RAPGEF4: variants seen among roughly 807,000 people sequenced by gnomAD.
RAPGEF4 encodes Rap guanine nucleotide exchange factor 4.
Under a neutral mutation model 147.9 loss-of-function variants are expected in RAPGEF4, and 66 were observed. The ratio of observed to expected loss-of-function variants is 0.45; its 90% CI spans 0.37 to 0.55. RAPGEF4 has a LOEUF of 0.55. Ranked by LOEUF, RAPGEF4 falls within the 20% of genes least tolerant of loss-of-function variation. RAPGEF4 has a pLI of 0.00. For synonymous variants in RAPGEF4, 419 were observed against 442.7 expected, an observed-to-expected ratio of 0.95 and a Z score of 0.67; for missense variants, 1,071 against 1,257.3, an observed-to-expected ratio of 0.85 and a Z score of 2.24.
At chr2:172,922,429 A>G in intron 6 of RAPGEF4, 129 bp downstream of exon 6, 5 of 936,900 alleles carry the variant, frequency 5.3e-6, no homozygotes, top group Non-Finnish European at 8.3e-6. Context: ...TTCTAATCTC[A>G]TTCTGGCATC....
chr2:172,872,079 A>G (rs557272809), intron 4 of RAPGEF4, among the ~76,000 whole-genome samples: 1 of 152,318 alleles, frequency 6.6e-6, no homozygotes, highest in East Asian at 1.9e-4. Context: ...GGATAAATGA[A>G]AGACCTATAT....
At chr2:172,759,427 T>A in intron 1 of RAPGEF4, among the ~76,000 whole-genome samples, 1 of 152,008 alleles carries the variant, frequency 6.6e-6, no homozygotes, top group East Asian at 1.9e-4. Context: ...GAGGATGACA[T>A]GGATGCAATT....
intron 4 of RAPGEF4, among the ~76,000 whole-genome samples, chr2:172,851,487 A>G (rs1692820778): frequency 6.6e-6 from 1 of 152,194 alleles, no homozygotes; most frequent in Non-Finnish European, 1.5e-5. Context: ...ATAAAGACAC[A>G]TGCACATGTA....
chr2:172,953,113 CA>C (rs1197773231), intron 6 of RAPGEF4, among the ~76,000 whole-genome samples: 1 of 151,912 alleles, frequency 6.6e-6, no homozygotes, highest in African/African-American at 2.4e-5. Flanking sequence ...TACAAATAGT[CA>C]GACTGCAGCC....
intron 29 of RAPGEF4, among the ~76,000 whole-genome samples, chr2:173,044,256 T>C (rs1685142521): frequency 8.4e-6 from 1 of 118,878 alleles, no homozygotes; most frequent in Admixed American, 1.1e-4. Context: ...ATTTGTAAAC[T>C]GTCATGGCGC....
chr2:173,032,144 T>A (rs972123367), intron 26 of RAPGEF4, among the ~76,000 whole-genome samples: 2 of 152,154 alleles, frequency 1.3e-5, no homozygotes, highest in Non-Finnish European at 2.9e-5. Context: ...GCACACACAC[T>A]CTCTCAGCCT....
chr2:172,894,360 A>G (rs138124508), intron 4 of RAPGEF4: 2 of 152,352 alleles, frequency 1.3e-5, no homozygotes, highest in Admixed American at 6.5e-5. Context: ...ACCACTGGCC[A>G]GAGATTCCCT....
rs529645035 is a variant in RAPGEF4, at chr2:172,859,221, A to G, written c.444+44796A>G. On this transcript the variant is annotated intron_variant, in intron 4 of 30. Transcript: ENST00000397081. ...TATCCATCAAATTCTGTTGCTTAAC[A>G]GTGGTTTAAGTCTTGCTGAATAAAA... Among the ~76,000 whole-genome samples, 4 of 152,380 alleles carry G rather than the reference A, an allele frequency of 2.6e-5. No homozygotes were observed. In the East Asian group the frequency reaches 5.8e-4, roughly 22 times the overall value.
rs1387454593 is a variant in RAPGEF4 at position 173,005,517 on chromosome 2, TG to T, written c.1658+4174del. ...ATTTTTGTTGTTGTTGTTGTTGTTT[TG>T]TGTTTTTTTTTTTTTTTTTTTTTGA... On this transcript the variant is annotated intron_variant, in intron 17 of 30. Coordinates refer to ENST00000397081, the MANE Select transcript of RAPGEF4 (RefSeq NM_007023.4). 9.9e-3 allele frequency among the ~76,000 whole-genome samples: 1,205 copies of T among 122,320 alleles called. 43 individuals carry two copies. The highest frequency in any genetic ancestry group is 0.034 in the African/African-American group (1,117 of 32,546). 80.2% of individuals were successfully genotyped at this position (122,320 alleles called of 152,430 possible).
In RAPGEF4 at chr2:172,790,329, G is replaced by T. The variant is rs1247283351; in HGVS notation, c.66-4696G>T. Among the ~76,000 whole-genome samples, 3 of 152,278 alleles carry T rather than the reference G, an allele frequency of 2.0e-5. No individual in the cohort carries two copies. In the East Asian group the frequency reaches 5.8e-4, roughly 29 times the overall value. Reference sequence around the variant, plus strand: ...TTTTAAATACCAAGTTGTAGAGGTTGTAAATGATTCTTTTGTTGTTGTTTG... The same window carrying T: ...TTTTAAATACCAAGTTGTAGAGGTTTTAAATGATTCTTTTGTTGTTGTTTG... On this transcript the variant is annotated intron_variant, in intron 1 of 30. Coordinates refer to ENST00000397081, the MANE Select transcript of RAPGEF4 (RefSeq NM_007023.4).
At chr2:173,001,374 AT>A in intron 17 of RAPGEF4, 30 bp downstream of exon 17, 5 of 1,612,396 alleles carry the variant, frequency 3.1e-6, no homozygotes, top group Non-Finnish European at 4.2e-6. Context: ...GTAAGTCCCT[AT>A]TCCCTCGAAG....
intron 17 of RAPGEF4, 49 bp downstream of exon 17, chr2:173,001,393 C>T: frequency 6.2e-7 from 1 of 1,610,738 alleles, no homozygotes; most frequent in Non-Finnish European, 8.5e-7. Context: ...AAGACAACCC[C>T]CCCTATCGAG....
intron 3 of RAPGEF4, among the ~76,000 whole-genome samples, chr2:172,807,670 A>G (rs1687636213): frequency 6.6e-6 from 1 of 152,246 alleles, no homozygotes; most frequent in South Asian, 2.1e-4. Context: ...GGCCTAAAAT[A>G]AAACTTATAA....
intron 4 of RAPGEF4, among the ~76,000 whole-genome samples, chr2:172,884,988 A>G (rs1257290422): frequency 6.6e-6 from 1 of 152,204 alleles, no homozygotes; most frequent in African/African-American, 2.4e-5. Flanking sequence ...GTTTGTCAGT[A>G]GCCACAGTGG....
chr2:172,783,982 T>C (rs1684941044), intron 1 of RAPGEF4, among the ~76,000 whole-genome samples: 1 of 152,214 alleles, frequency 6.6e-6, no homozygotes, highest in East Asian at 1.9e-4. Context: ...AATGCCTTCA[T>C]GAAGTCTTTT....
intron 5 of RAPGEF4, among the ~76,000 whole-genome samples, chr2:172,919,971 C>T (rs1055683938): frequency 1.3e-5 from 2 of 152,070 alleles, no homozygotes; most frequent in Admixed American, 6.6e-5. Context: ...TGGCCTTGGG[C>T]CTCATCTCTT....
intron 4 of RAPGEF4, among the ~76,000 whole-genome samples, chr2:172,877,305 G>A (rs1696066075): frequency 6.6e-6 from 1 of 152,020 alleles, no homozygotes. Context: ...CTCATAAGTG[G>A]GAGTTGAAAA....
At chr2:172,844,373 GA>G (rs1691947792) in intron 4 of RAPGEF4, among the ~76,000 whole-genome samples, 1 of 152,158 alleles carries the variant, frequency 6.6e-6, no homozygotes, top group African/African-American at 2.4e-5. Flanking sequence ...ATGGGCCCTG[GA>G]AAGTGAGGCA....
intron 1 of RAPGEF4, among the ~76,000 whole-genome samples, chr2:172,738,913 A>G (rs897313551): frequency 1.3e-5 from 2 of 152,256 alleles, no homozygotes; most frequent in Non-Finnish European, 2.9e-5. Context: ...GAAGTGAAAC[A>G]AAACACAAGG....
Sources: gnomAD v4.1 joint callset for allele counts (sites outside exome capture counted in the v4.1 genomes callset) on GRCh38, gnomAD v4.1.1 for gene constraint, MANE v1.5 for transcripts, NCBI Gene and HGNC (gene_info 2026-07-23, HGNC 2026-07-21) for gene names.